ANO6: variants seen among roughly 807,000 people sequenced by gnomAD.
ANO6 encodes anoctamin 6.
ANO6 carries 106 observed loss-of-function variants against 117.5 expected under a neutral mutation model. The observed-to-expected ratio is 0.90, with a 90% CI of 0.77 to 1.06. The LOEUF is 1.06. Ranked by LOEUF, ANO6 falls within the 50% of genes least tolerant of loss-of-function variation. ANO6 has a pLI of 0.00. For missense variants in ANO6, 955 were observed against 1,121.1 expected (o/e 0.85, Z 2.12); for synonymous variants, 367 against 385.1 (o/e 0.95, Z 0.55).
intron 9 of ANO6, among the ~76,000 whole-genome samples, chr12:45,373,588 G>C (rs962866577): frequency 2.0e-5 from 3 of 152,118 alleles, no homozygotes; most frequent in African/African-American, 7.2e-5. Flanking sequence ...CATGGAAACT[G>C]AACAACCTGC....
chr12:45,344,585 C>T (rs1941075123), intron 3 of ANO6, among the ~76,000 whole-genome samples: 1 of 152,104 alleles, frequency 6.6e-6, no homozygotes, highest in East Asian at 1.9e-4. Context: ...GGAAATCCGC[C>T]CCCATGATTA....
chr12:45,322,398 G>A (rs557571278), intron 2 of ANO6, among the ~76,000 whole-genome samples: 1 of 152,228 alleles, frequency 6.6e-6, no homozygotes, highest in South Asian at 2.1e-4. Flanking sequence ...TAATGAGAAA[G>A]ATAGTTGGGT....
intron 11 of ANO6, 140 bp from the exon 12 acceptor site, chr12:45,390,281 A>C: frequency 1.4e-6 from 1 of 727,812 alleles, no homozygotes; most frequent in Non-Finnish European, 2.4e-6. Context: ...TTAACAAAAA[A>C]GTGCAATTAT....
intron 8 of ANO6, 74 bp from the exon 9 acceptor site, chr12:45,367,614 A>G: frequency 8.3e-7 from 1 of 1,198,806 alleles, no homozygotes; most frequent in Non-Finnish European, 1.2e-6. Context: ...TTTGTTTCTT[A>G]TTGTGAATGG....
intron 1 of ANO6, among the ~76,000 whole-genome samples, chr12:45,221,944 T>C (rs58444879): frequency 0.18 from 25,751 of 141,806 alleles, 3,654 homozygotes; most frequent in African/African-American, 0.39. Flanking sequence ...TGCAGTGGCG[T>C]GATCTCAGCT....
intron 1 of ANO6, among the ~76,000 whole-genome samples, chr12:45,242,235 T>G (rs1947755685): frequency 6.6e-6 from 1 of 152,204 alleles, no homozygotes; most frequent in Non-Finnish European, 1.5e-5. Flanking sequence ...CCCTGCCCAA[T>G]TTGAGCTTCC....
intron 2 of ANO6, among the ~76,000 whole-genome samples, chr12:45,322,695 GA>G (rs1165617531): frequency 6.6e-6 from 1 of 152,122 alleles, no homozygotes; most frequent in Non-Finnish European, 1.5e-5. Flanking sequence ...GCAATAGATG[GA>G]ACAGATTGAA....
intron 1 of ANO6, among the ~76,000 whole-genome samples, chr12:45,248,291 A>G (rs187698274): frequency 9.2e-5 from 14 of 152,320 alleles, no homozygotes; most frequent in African/African-American, 3.4e-4. Flanking sequence ...ACTGACATGC[A>G]GAGTTAGCCT....
chr12:45,322,217 C>T (rs990405367), intron 2 of ANO6, among the ~76,000 whole-genome samples: 1 of 151,954 alleles, frequency 6.6e-6, no homozygotes, highest in Non-Finnish European at 1.5e-5. Context: ...GAAACATGAA[C>T]CCAAGTTGGT....
At chr12:45,347,810 T>C (rs1306055717) in intron 4 of ANO6, among the ~76,000 whole-genome samples, 3 of 152,242 alleles carry the variant, frequency 2.0e-5, no homozygotes, top group African/African-American at 7.2e-5. Context: ...TGAACTATGA[T>C]GATTTGAATT....
intron 1 of ANO6, among the ~76,000 whole-genome samples, chr12:45,287,868 T>C (rs1366883881): frequency 9.9e-5 from 15 of 152,180 alleles, no homozygotes. Flanking sequence ...ATCCCACTAC[T>C]CCTTATCCTT....
At chr12:45,304,848 GGTAA>G (rs1939614222) in intron 2 of ANO6, among the ~76,000 whole-genome samples, 1 of 152,160 alleles carries the variant, frequency 6.6e-6, no homozygotes, top group Admixed American at 6.5e-5. Flanking sequence ...TGACTAGTTA[GGTAA>G]AGCCAGCACT....
chr12:45,272,019 A>C (rs1302342449), intron 1 of ANO6, among the ~76,000 whole-genome samples: 1 of 152,220 alleles, frequency 6.6e-6, no homozygotes, highest in Non-Finnish European at 1.5e-5. Flanking sequence ...ACCATATATC[A>C]TGGAAAATCT....
intron 1 of ANO6, among the ~76,000 whole-genome samples, chr12:45,273,868 T>G (rs1938464837): frequency 6.6e-6 from 1 of 152,214 alleles, no homozygotes; most frequent in African/African-American, 2.4e-5. Flanking sequence ...GTGGTCTGAA[T>G]ACACTTATGG....
chr12:45,398,279 A>G (rs1454557873), intron 12 of ANO6, among the ~76,000 whole-genome samples: 1 of 152,202 alleles, frequency 6.6e-6, no homozygotes, highest in Non-Finnish European at 1.5e-5. Flanking sequence ...ATGATGACCA[A>G]TAACCATTAC....
At chr12:45,374,472 A>C (rs559861785) in intron 9 of ANO6, among the ~76,000 whole-genome samples, 2 of 96,762 alleles carry the variant, frequency 2.1e-5, no homozygotes, top group East Asian at 2.6e-4. Flanking sequence ...CTGGCAAACC[A>C]AATCCAGCAG....
chr12:45,269,375 A>G (rs983982540), intron 1 of ANO6, among the ~76,000 whole-genome samples: 1 of 152,224 alleles, frequency 6.6e-6, no homozygotes, highest in African/African-American at 2.4e-5. Flanking sequence ...GGCAGCCCTT[A>G]CTTCCCTGCA....
intron 7 of ANO6, among the ~76,000 whole-genome samples, chr12:45,354,575 T>C (rs1210550702): frequency 6.6e-6 from 1 of 151,924 alleles, no homozygotes; most frequent in East Asian, 1.9e-4. Flanking sequence ...TTGGAGGAGG[T>C]CTGAGGGCAT....
At chr12:45,260,499 G>A (rs1321092755) in intron 1 of ANO6, among the ~76,000 whole-genome samples, 1 of 152,224 alleles carries the variant, frequency 6.6e-6, no homozygotes, top group Non-Finnish European at 1.5e-5. Flanking sequence ...GGAGGGCACT[G>A]TGGGTCACAC....
Sources: gnomAD v4.1 joint callset for allele counts (sites outside exome capture counted in the v4.1 genomes callset) on GRCh38, gnomAD v4.1.1 for gene constraint, MANE v1.5 for transcripts, NCBI Gene and HGNC (gene_info 2026-07-23, HGNC 2026-07-21) for gene names.